Variants in NUF2 observed in about 807,000 individuals in gnomAD.
The protein encoded by NUF2 is kinetochore protein Nuf2.
A neutral mutation model predicts 61.8 loss-of-function variants in NUF2; 34 were observed. That is an observed-to-expected ratio of 0.55 (90% confidence interval 0.42 to 0.73). The LOEUF (loss-of-function observed/expected upper bound fraction) is 0.73, where lower values mean the gene tolerates loss of function less well. Ranked by LOEUF, NUF2 falls within the 30% of genes least tolerant of loss-of-function variation. NUF2 has a pLI of 0.00. For missense variants in NUF2, 445 were observed against 539.1 expected (o/e 0.83, Z 1.73); for synonymous variants, 172 against 181.6 (o/e 0.95, Z 0.42).
At chr1:163,335,786 T>C (rs1031623853) in intron 5 of NUF2, among the ~76,000 whole-genome samples, 1 of 152,188 alleles carries the variant, frequency 6.6e-6, no homozygotes, top group African/African-American at 2.4e-5. Flanking sequence ...TGTATTCATT[T>C]TTTTCTCTCT....
chr1:163,345,249 T>C (rs994971157), intron 10 of NUF2, among the ~76,000 whole-genome samples: 1 of 152,140 alleles, frequency 6.6e-6, no homozygotes, highest in African/African-American at 2.4e-5. Context: ...GTTCATTTTG[T>C]AATTTTAGAA....
chr1:163,348,933 A>T lies in NUF2; in HGVS notation c.1125-12A>T. The T allele has an allele frequency of 6.3e-7, 1 of 1,599,596 alleles. No homozygotes were observed. Among genetic ancestry groups the T allele is most frequent in the Non-Finnish European group, 8.5e-7 (1 of 1,176,680 alleles). ...AGAGGATTAAATATTAGCTGTCTCGATTTTCTTTCAGGGATTGCAATAAAG... is the reference window on the plus strand; with the variant it reads ...AGAGGATTAAATATTAGCTGTCTCGTTTTTCTTTCAGGGATTGCAATAAAG... On this transcript the variant is annotated splice_polypyrimidine_tract_variant and intron_variant, in intron 12 of 13. Transcript: ENST00000271452.
At chr1:163,325,197 C>T (rs180798041) in intron 1 of NUF2, among the ~76,000 whole-genome samples, 43 of 152,234 alleles carry the variant, frequency 2.8e-4, no homozygotes, top group Non-Finnish European at 4.4e-5. Context: ...TTAACATCAG[C>T]ATTTATTGAC....
intron 1 of NUF2, among the ~76,000 whole-genome samples, chr1:163,325,246 C>CTA (rs1282845960): frequency 6.6e-6 from 1 of 152,132 alleles, no homozygotes; most frequent in Non-Finnish European, 1.5e-5. Flanking sequence ...GGGGGCCACC[C>CTA]TATACATCGT....
chr1:163,337,305 C>G (rs1004915872), intron 6 of NUF2, among the ~76,000 whole-genome samples: 7 of 152,060 alleles, frequency 4.6e-5, no homozygotes, highest in Admixed American at 2.6e-4. Flanking sequence ...ATCTCTTTAA[C>G]AGACAGAAAC....
intron 1 of NUF2, among the ~76,000 whole-genome samples, chr1:163,325,657 C>CT (rs1650393192): frequency 6.6e-6 from 1 of 152,054 alleles, no homozygotes; most frequent in Non-Finnish European, 1.5e-5. Flanking sequence ...ATGATGTTGC[C>CT]TATATGCCTT....
chr1:163,327,519 C>G lies in NUF2; in HGVS notation c.155C>G (p.Ala52Gly). ...PEVLHMIYMR[A>G]LQIVYGIRLE... ...GTCTTGCACATGATCTACATGAGAG[C>G]CTTACAAATAGTATATGGAATTCGA... is the stretch of plus-strand genomic sequence containing the variant. Residue 52 changes from alanine (A) to glycine (G), a missense_variant, in exon 3 of 14, where the codon GCC becomes GGC. By Grantham distance (60) the Ala-to-Gly change is moderately conservative. Coordinates refer to ENST00000271452, the MANE Select transcript of NUF2 (RefSeq NM_145697.3). 4 of 1,612,184 alleles carry G rather than the reference C, an allele frequency of 2.5e-6. No homozygotes were observed. Among genetic ancestry groups the G allele is most frequent in the Non-Finnish European group, 3.4e-6 (4 of 1,178,558 alleles).
At chr1:163,338,517 G>T (rs1417988879) in intron 7 of NUF2, among the ~76,000 whole-genome samples, 1 of 151,940 alleles carries the variant, frequency 6.6e-6, no homozygotes, top group East Asian at 1.9e-4. Flanking sequence ...GTAGGGAAAA[G>T]AATCACTCAA....
At chr1:163,350,413 T>C (rs896848936) in intron 13 of NUF2, among the ~76,000 whole-genome samples, 1 of 152,148 alleles carries the variant, frequency 6.6e-6, no homozygotes, top group African/African-American at 2.4e-5. Context: ...GTGAACCAGT[T>C]ACTAACAATT....
intron 5 of NUF2, among the ~76,000 whole-genome samples, chr1:163,330,763 G>A (rs777001336): frequency 1.3e-5 from 2 of 151,944 alleles, no homozygotes; most frequent in Non-Finnish European, 2.9e-5. Context: ...ATAAATTTCA[G>A]AGTGCAGACC....
intron 13 of NUF2, among the ~76,000 whole-genome samples, chr1:163,349,582 G>T (rs1053608716): frequency 6.6e-6 from 1 of 151,936 alleles, no homozygotes. Flanking sequence ...TTAGATTGAG[G>T]TTTCTAAAAC....
At chr1:163,341,451 A>C (rs1439498066) in intron 9 of NUF2, among the ~76,000 whole-genome samples, 2 of 151,702 alleles carry the variant, frequency 1.3e-5, no homozygotes, top group Non-Finnish European at 2.9e-5. Context: ...CTCGTGATCC[A>C]CCCGCCTTGG....
Position 163,322,027 on chromosome 1 carries a change from C to T in NUF2, c.-206C>T, listed in dbSNP as rs1012370340. 1.3e-5 allele frequency: 2 copies of T among 152,230 alleles called. No individual in the cohort carries two copies. Among genetic ancestry groups the T allele is most frequent in the African/African-American group, 4.8e-5 (2 of 41,434 alleles). 9.4% of individuals were successfully genotyped at this position (152,230 alleles called of 1,614,324 possible). A position where few individuals can be genotyped will look rare whatever the true frequency, so the allele number is the denominator to read the frequency against. Reference sequence around the variant, plus strand: ...TTTTTGACTTTGCTTGTAGCTGCTCCCCGAACTCGCCGTCTTCCTGTCGGC... The same window carrying T: ...TTTTTGACTTTGCTTGTAGCTGCTCTCCGAACTCGCCGTCTTCCTGTCGGC... On this transcript the variant is annotated 5_prime_UTR_variant, in exon 1 of 14. Transcript: ENST00000271452.
intron 13 of NUF2, among the ~76,000 whole-genome samples, chr1:163,354,871 T>G (rs1435079238): frequency 6.6e-6 from 1 of 152,090 alleles, no homozygotes; most frequent in African/African-American, 2.4e-5. Context: ...TTGAACTATC[T>G]GATCAGTTTA....
intron 1 of NUF2, chr1:163,322,850 T>C (rs1650280954): frequency 6.6e-6 from 1 of 152,234 alleles, no homozygotes; most frequent in Non-Finnish European, 1.5e-5. Context: ...GTCATTTATA[T>C]ACTTTATCCC....
At chr1:163,349,176 G>GA (rs2101690113) in intron 13 of NUF2, 96 bp downstream of exon 13, 1 of 1,018,316 alleles carries the variant, frequency 9.8e-7, no homozygotes, top group African/African-American at 1.6e-5. Context: ...TCTGTGTAAT[G>GA]AGACTTTTAA....
chr1:163,339,602 G>A (rs1198284049), intron 8 of NUF2, 125 bp downstream of exon 8: 2 of 608,386 alleles, frequency 3.3e-6, no homozygotes, highest in African/African-American at 1.9e-5. Flanking sequence ...ATATTTCTGT[G>A]CCCATTTGTG....
At position 163,340,179 on chromosome 1, in the gene NUF2, A is replaced by C; in HGVS notation, c.607-185A>C. The C allele has an allele frequency of 3.8e-6, 2 of 522,256 alleles. 1 individual carries two copies. The highest frequency in any genetic ancestry group is 6.2e-5 in the South Asian group (2 of 32,436). 32.4% of individuals were successfully genotyped at this position (522,256 alleles called of 1,614,324 possible). A position where few individuals can be genotyped will look rare whatever the true frequency, so the allele number is the denominator to read the frequency against. On this transcript the variant is annotated intron_variant, in intron 8 of 13. Transcript: ENST00000271452. ...AATACTAGGCCATTATTTGGAGTTA[A>C]CTACTTAGTAAAGGAACTCTTAGAT...
chr1:163,345,641 A>G, intron 10 of NUF2, 37 bp from the exon 11 acceptor site: 1 of 1,575,944 alleles, frequency 6.3e-7, no homozygotes, highest in Non-Finnish European at 8.6e-7. Context: ...ATAAAGAAGA[A>G]TATCAAACTG....
Sources: allele counts gnomAD v4.1 joint callset (sites outside exome capture counted in the v4.1 genomes callset), GRCh38; gene constraint gnomAD v4.1.1; transcripts MANE v1.5; gene names NCBI Gene and HGNC (gene_info 2026-07-23, HGNC 2026-07-21).